The following EYS variants were observed in gnomAD, a reference collection of about 807,000 sequenced individuals.
The protein encoded by EYS is protein eyes shut homolog.
A neutral mutation model predicts 282.1 loss-of-function variants in EYS; 250 were observed. The observed-to-expected ratio is 0.89, with a 90% CI of 0.80 to 0.98. EYS has a LOEUF of 0.98. EYS is among the 50% of genes least tolerant of loss of function. The probability of loss-of-function intolerance (pLI) is 0.00; values close to 1 mark genes in which losing one functional copy is unlikely to be tolerated. For synonymous variants in EYS, 1,355 were observed against 1,282.9 expected (o/e 1.06, Z -1.20); for missense variants, 4,016 against 3,709.0 (o/e 1.08, Z -2.15).
At chr6:64,574,662 C>T (rs1765826213) in intron 26 of EYS, among the ~76,000 whole-genome samples, 1 of 152,072 alleles carries the variant, frequency 6.6e-6, no homozygotes, top group Admixed American at 6.6e-5. Context: ...CAAAAATAAA[C>T]AAAAACTGAT....
At chr6:64,652,921 G>A (rs530451060) in intron 22 of EYS, among the ~76,000 whole-genome samples, 12 of 152,014 alleles carry the variant, frequency 7.9e-5, no homozygotes, top group East Asian at 1.9e-4. Context: ...ACATACATTC[G>A]CACAGTTTTG....
chr6:63,978,395 G>A (rs1164762114), intron 35 of EYS, among the ~76,000 whole-genome samples: 2 of 151,904 alleles, frequency 1.3e-5, no homozygotes, highest in African/African-American at 4.8e-5. Flanking sequence ...TAGTGCAAGG[G>A]ACACTTAAAT....
intron 12 of EYS, among the ~76,000 whole-genome samples, chr6:65,186,599 G>C (rs1765522222): frequency 6.6e-6 from 1 of 151,786 alleles, no homozygotes; most frequent in East Asian, 2.0e-4. Context: ...AAAGTACTTT[G>C]GAAATGAGAT....
intron 24 of EYS, among the ~76,000 whole-genome samples, chr6:64,606,875 A>C (rs907354008): frequency 6.6e-6 from 1 of 152,080 alleles, no homozygotes; most frequent in African/African-American, 2.4e-5. Context: ...TCTAACATCC[A>C]AAATATATCA....
intron 35 of EYS, among the ~76,000 whole-genome samples, chr6:63,964,209 A>T (rs574471707): frequency 6.6e-6 from 1 of 152,314 alleles, no homozygotes; most frequent in African/African-American, 2.4e-5. Flanking sequence ...ATCAGAATAA[A>T]CAAACCTAGA....
chr6:64,054,285 G>C (rs1183995237), intron 33 of EYS, among the ~76,000 whole-genome samples: 20 of 152,142 alleles, frequency 1.3e-4, no homozygotes, highest in Admixed American at 1.3e-3. Context: ...GTCTAGGCTA[G>C]CTTTCAGAAG....
chr6:64,813,139 A>G (rs1764645843), intron 22 of EYS, among the ~76,000 whole-genome samples: 1 of 151,970 alleles, frequency 6.6e-6, no homozygotes, highest in Non-Finnish European at 1.5e-5. Context: ...AAACAATGAT[A>G]AAATGAGGGA....
chr6:65,078,767 G>C (rs1774134652), intron 12 of EYS, among the ~76,000 whole-genome samples: 1 of 151,942 alleles, frequency 6.6e-6, no homozygotes, highest in African/African-American at 2.4e-5. Context: ...ATGTTGAATT[G>C]TAATCCTCAA....
intron 35 of EYS, among the ~76,000 whole-genome samples, chr6:63,981,375 T>TA (rs909144263): frequency 6.6e-5 from 10 of 151,372 alleles, no homozygotes; most frequent in South Asian, 2.1e-4. Flanking sequence ...TTTCAAGAAT[T>TA]AAAAAAAAAT....
chr6:64,502,411 C>T (rs1170720411), intron 26 of EYS, among the ~76,000 whole-genome samples: 2 of 152,016 alleles, frequency 1.3e-5, no homozygotes, highest in African/African-American at 2.4e-5. Flanking sequence ...TTAGTAGAGA[C>T]GGGGTTTCAC....
At chr6:63,781,469 C>G (rs1441501862) in intron 39 of EYS, among the ~76,000 whole-genome samples, 1 of 152,116 alleles carries the variant, frequency 6.6e-6, no homozygotes, top group Non-Finnish European at 1.5e-5. Flanking sequence ...CTTCACATCC[C>G]TTGTAAGTTG....
intron 22 of EYS, among the ~76,000 whole-genome samples, chr6:64,710,091 T>C (rs1396526330): frequency 6.6e-6 from 1 of 152,222 alleles, no homozygotes. Flanking sequence ...CAAGAAAATA[T>C]TTTAATAAAC....
intron 36 of EYS, among the ~76,000 whole-genome samples, chr6:63,833,893 G>A (rs181953047): frequency 9.0e-4 from 137 of 151,990 alleles, no homozygotes; most frequent in African/African-American, 2.9e-3. Flanking sequence ...CAGAGCCCTC[G>A]GAAATAATAC....
At chr6:64,169,527 G>A (rs1764413577) in intron 31 of EYS, among the ~76,000 whole-genome samples, 1 of 151,804 alleles carries the variant, frequency 6.6e-6, no homozygotes, top group South Asian at 2.1e-4. Context: ...TAGTAAATGG[G>A]AGAAGCTTCA....
At chr6:64,301,681 A>G (rs775298120) in intron 30 of EYS, among the ~76,000 whole-genome samples, 6 of 152,136 alleles carry the variant, frequency 3.9e-5, no homozygotes, top group Non-Finnish European at 8.8e-5. Context: ...GCCATCTCTG[A>G]TTACGCAGGC....
chr6:65,049,959 T>C (rs1773218826), intron 13 of EYS, among the ~76,000 whole-genome samples: 1 of 151,660 alleles, frequency 6.6e-6, no homozygotes, highest in Non-Finnish European at 1.5e-5. Flanking sequence ...CTTGATATGC[T>C]AACTTTACAG....
intron 4 of EYS, among the ~76,000 whole-genome samples, 187 bp from the exon 5 acceptor site, chr6:65,490,894 C>T (rs1766018711): frequency 6.6e-6 from 1 of 152,000 alleles, no homozygotes; most frequent in African/African-American, 2.4e-5. Context: ...ATAAGTTTTT[C>T]ATCTTCTGAC....
chr6:64,515,840 C>T (rs536752278), intron 26 of EYS, among the ~76,000 whole-genome samples: 1 of 151,600 alleles, frequency 6.6e-6, no homozygotes, highest in East Asian at 1.9e-4. Flanking sequence ...TGCTTTATGG[C>T]AATACCCAAA....
intron 2 of EYS, among the ~76,000 whole-genome samples, chr6:65,550,141 A>ATTT (rs1562254216): frequency 1.4e-4 from 1 of 7,202 alleles, no homozygotes; most frequent in Non-Finnish European, 2.0e-4. Context: ...ACTCTACTAT[A>ATTT]TCTTTTTTTT....
Sources: gnomAD v4.1 joint callset for allele counts (sites outside exome capture counted in the v4.1 genomes callset) on GRCh38, gnomAD v4.1.1 for gene constraint, MANE v1.5 for transcripts, NCBI Gene and HGNC (gene_info 2026-07-23, HGNC 2026-07-21) for gene names.